The following RBM6 variants were observed in gnomAD, a reference collection of about 807,000 sequenced individuals.
RBM6 encodes RNA binding motif protein 6, also known as RNA-binding protein 6.
A neutral mutation model predicts 140.4 loss-of-function variants in RBM6; 23 were observed. That is an observed-to-expected ratio of 0.16 (90% confidence interval 0.12 to 0.23). The LOEUF (loss-of-function observed/expected upper bound fraction) is 0.23. Ranked by LOEUF, RBM6 falls within the 10% of genes least tolerant of loss-of-function variation. The pLI is 1.00. For synonymous variants in RBM6, 439 were observed against 475.6 expected, an observed-to-expected ratio of 0.92 and a Z score of 1.00; for missense variants, 1,139 against 1,386.7, an observed-to-expected ratio of 0.82 and a Z score of 2.84.
In RBM6 at chr3:49,982,681, G is replaced by A. The variant is rs190139984; in HGVS notation, c.1483+7289G>A. 2.9e-3 allele frequency among the ~76,000 whole-genome samples: 435 copies of A among 151,880 alleles called. 4 individuals are homozygous for A. Among genetic ancestry groups the A allele is most frequent in the Non-Finnish European group, 2.1e-4 (14 of 67,974 alleles). On this transcript the variant is annotated intron_variant, in intron 5 of 20. Transcript: ENST00000266022. ...GATCCACCCACCTCGGCCTCCCAAA[G>A]TGCTGGGATTACAGGTGTGAGCCAC...
chr3:50,002,261 T>C (rs2086373255), intron 6 of RBM6, among the ~76,000 whole-genome samples: 1 of 149,884 alleles, frequency 6.7e-6, no homozygotes. Context: ...GTAAATTTTT[T>C]TTCTTTTTTT....
At chr3:50,012,344 A>G (rs1311974543) in intron 6 of RBM6, among the ~76,000 whole-genome samples, 1 of 151,610 alleles carries the variant, frequency 6.6e-6, no homozygotes, top group African/African-American at 2.4e-5. Context: ...CACCATGCCC[A>G]GTCCATTCCA....
intron 6 of RBM6, among the ~76,000 whole-genome samples, chr3:50,006,393 C>T (rs554447579): frequency 6.6e-6 from 1 of 152,120 alleles, no homozygotes; most frequent in African/African-American, 2.4e-5. Context: ...GCCTCGGCCT[C>T]CCAGAGTGCT....
chr3:49,962,888 G>C (rs1017589186), intron 2 of RBM6: 2 of 439,214 alleles, frequency 4.6e-6, no homozygotes, highest in African/African-American at 4.2e-5. Flanking sequence ...ATGAGGTCAG[G>C]AGATCGAGAC....
rs1199856838 is a variant in RBM6 at position 50,076,926 on chromosome 3, C to T, written c.3247-82C>T. 3 of 1,412,854 alleles carry T rather than the reference C, an allele frequency of 2.1e-6. No homozygotes were observed. The Admixed American group carries it at 8.2e-5, about 38-fold the overall frequency. The allele number at this position is 1,412,854 out of a possible 1,614,324, so 87.5% of individuals were successfully genotyped here. ...ATCCTATATACTGCTTCTTACTAGT[C>T]CAGAAATGCCTGTGGTCAAAGACCA... On this transcript the variant is annotated intron_variant, in intron 20 of 20. Transcript: ENST00000266022.
chr3:50,063,756 C>G (rs1292341327), intron 15 of RBM6, among the ~76,000 whole-genome samples: 1 of 151,918 alleles, frequency 6.6e-6, no homozygotes, highest in Non-Finnish European at 1.5e-5. Flanking sequence ...CAAAAATTAG[C>G]TGGACGTGGT....
intron 6 of RBM6, among the ~76,000 whole-genome samples, chr3:50,002,931 A>G (rs1261652981): frequency 6.6e-6 from 1 of 151,966 alleles, no homozygotes; most frequent in Non-Finnish European, 1.5e-5. Flanking sequence ...CCTGACCAAC[A>G]AGGTGAAACC....
At chr3:50,028,410 G>A (rs1483988973) in intron 6 of RBM6, among the ~76,000 whole-genome samples, 1 of 152,198 alleles carries the variant, frequency 6.6e-6, no homozygotes, top group Non-Finnish European at 1.5e-5. Flanking sequence ...TCAGCCCAGA[G>A]ACATGTTTGC....
intron 5 of RBM6, among the ~76,000 whole-genome samples, chr3:49,988,526 A>G (rs964259978): frequency 5.3e-5 from 8 of 152,040 alleles, no homozygotes; most frequent in African/African-American, 1.7e-4. Context: ...CTTGATCTAT[A>G]TATTTTATGG....
intron 5 of RBM6, among the ~76,000 whole-genome samples, chr3:49,994,454 A>T (rs1217290453): frequency 1.3e-5 from 2 of 152,176 alleles, no homozygotes; most frequent in Non-Finnish European, 2.9e-5. Flanking sequence ...AGGAATTCAG[A>T]TACCTGGATC....
rs1277792221 is a variant in RBM6, at chr3:50,057,810, C to A, written c.1776C>A (p.Asn592Lys). 6.2e-7 allele frequency: 1 copy of A among 1,613,652 alleles called. No individual in the cohort carries two copies. Among genetic ancestry groups the A allele is most frequent in the African/African-American group, 1.3e-5 (1 of 74,798 alleles). Residue 592 changes from asparagine (N) to lysine (K), a missense_variant, in exon 9 of 21, where the codon AAC becomes AAA. Coordinates refer to ENST00000266022, the MANE Select transcript of RBM6 (RefSeq NM_005777.3). ...CAGCACCATTGGAAAAACAGCCCAA[C>A]CAGCCCCTAAGACCAGCTGATAAGG... ...SIPAPLEKQP[N>K]QPLRPADKEP...
intron 6 of RBM6, among the ~76,000 whole-genome samples, chr3:50,021,485 C>T (rs1238978632): frequency 6.6e-6 from 1 of 151,906 alleles, no homozygotes; most frequent in Non-Finnish European, 1.5e-5. Context: ...ACTAAAAATA[C>T]AAAAATTAGC....
chr3:49,951,748 A>C (rs2083743045), intron 1 of RBM6, among the ~76,000 whole-genome samples: 1 of 149,566 alleles, frequency 6.7e-6, no homozygotes, highest in South Asian at 2.1e-4. Context: ...TTTGAGGTGG[A>C]GTCTCGCCCT....
At chr3:50,053,291 G>A (rs1426379467) in intron 7 of RBM6, among the ~76,000 whole-genome samples, 1 of 152,140 alleles carries the variant, frequency 6.6e-6, no homozygotes, top group Non-Finnish European at 1.5e-5. Flanking sequence ...CAGCAATTTG[G>A]GAGGCCGAGG....
At chr3:50,032,319 A>G (rs541883951) in intron 6 of RBM6, among the ~76,000 whole-genome samples, 29 of 143,396 alleles carry the variant, frequency 2.0e-4, no homozygotes, top group Non-Finnish European at 2.4e-4. Flanking sequence ...CATCTCTACT[A>G]AAAAAAATAC....
intron 1 of RBM6, among the ~76,000 whole-genome samples, chr3:49,955,580 C>T (rs1025520230): frequency 1.1e-4 from 17 of 151,932 alleles, no homozygotes; most frequent in South Asian, 2.1e-4. Context: ...CAGTGGCTCA[C>T]GCCTGTAATC....
At position 49,974,359 on chromosome 3, in the gene RBM6, A is replaced by G. The variant is rs145634850; in HGVS notation, c.1414-964A>G. On this transcript the variant is annotated intron_variant, in intron 4 of 20. Transcript: ENST00000266022. ...GTAGCTGGGATTATAGGTGTGAGCCAGTACTCCTGGCTAATTTTTTTTTTT... is the reference window on the plus strand; with the variant it reads ...GTAGCTGGGATTATAGGTGTGAGCCGGTACTCCTGGCTAATTTTTTTTTTT... 4.1e-3 allele frequency among the ~76,000 whole-genome samples: 622 copies of G among 151,528 alleles called. 8 individuals are homozygous for G. Among genetic ancestry groups the G allele is most frequent in the South Asian group, 0.02 (94 of 4,808 alleles).
At chr3:49,961,989 C>G (rs1334663143) in intron 1 of RBM6, among the ~76,000 whole-genome samples, 3 of 151,120 alleles carry the variant, frequency 2.0e-5, no homozygotes, top group South Asian at 2.1e-4. Context: ...AAACCCGTCT[C>G]TACTAAAATA....
At chr3:50,001,248 G>A (rs2086313805) in intron 6 of RBM6, among the ~76,000 whole-genome samples, 1 of 152,120 alleles carries the variant, frequency 6.6e-6, no homozygotes, top group Non-Finnish European at 1.5e-5. Context: ...AGGATTGCTT[G>A]AGGCCAGGAG....
Sources: allele counts gnomAD v4.1 joint callset (sites outside exome capture counted in the v4.1 genomes callset), GRCh38; gene constraint gnomAD v4.1.1; transcripts MANE v1.5; gene names NCBI Gene and HGNC (gene_info 2026-07-23, HGNC 2026-07-21).